AFF1: variants seen among roughly 807,000 people sequenced by gnomAD.
AFF1 encodes the protein AF4/FMR2 family member 1.
Under a neutral mutation model 121.7 loss-of-function variants are expected in AFF1, and 48 were observed. The observed-to-expected ratio is 0.39, with a 90% confidence interval of 0.31 to 0.50. AFF1 has a LOEUF of 0.50. Ranked by LOEUF, AFF1 falls within the 20% of genes least tolerant of loss-of-function variation. AFF1 has a pLI of 0.76. For synonymous variants in AFF1, 613 were observed against 563.0 expected (o/e 1.09, Z -1.26); for missense variants, 1,523 against 1,511.7 (o/e 1.01, Z -0.12).
chr4:87,011,496 C>G (rs1437328694), intron 2 of AFF1, among the ~76,000 whole-genome samples: 1 of 152,082 alleles, frequency 6.6e-6, no homozygotes, highest in African/African-American at 2.4e-5. Context: ...TATGCCCCGT[C>G]TCTGATTTTT....
intron 2 of AFF1, among the ~76,000 whole-genome samples, chr4:87,020,555 G>T (rs1400373054): frequency 6.6e-6 from 1 of 152,138 alleles, no homozygotes; most frequent in Non-Finnish European, 1.5e-5. Context: ...CGCAATTTCG[G>T]CTCACTGTAA....
Position 87,127,097 on chromosome 4 carries a change from G to A in AFF1, c.2883G>A (p.Lys961=), listed in dbSNP as rs746090701. 6.2e-7 allele frequency: 1 copy of A among 1,611,698 alleles called. No individual in the cohort carries two copies. The change falls in exon 15 of 21, where the codon AAG becomes AAA. Residue 961 remains lysine, a synonymous_variant. Coordinates refer to ENST00000395146, the MANE Select transcript of AFF1 (RefSeq NM_001166693.3). ...SLPNGNSKPG[K]PQVKFDKQQA... is the part of the protein sequence containing the mutation. ...CAAATGGTAACTCTAAACCAGGGAA[G>A]CCTCAAGTGAAGTTTGACAAGTAAG...
Position 87,022,588 on chromosome 4 carries a change from C to CTGTGTG in AFF1, c.39-23577_39-23576insGTGTGT, listed in dbSNP as rs1299813105. On this transcript the variant is annotated intron_variant, in intron 2 of 20. Transcript: ENST00000395146. The stretch of plus-strand genomic sequence containing the variant: ...TATATATATATATATATATATCTAT[C>CTGTGTG]TATATCTATCTGTGTGTATATATAT... Among the ~76,000 whole-genome samples, 177 of 108,284 alleles carry CTGTGTG rather than the reference C, an allele frequency of 1.6e-3. 8 individuals are homozygous for CTGTGTG. Among genetic ancestry groups the CTGTGTG allele is most frequent in the Non-Finnish European group, 2.0e-3 (109 of 55,092 alleles). 71.0% of individuals were successfully genotyped at this position (108,284 alleles called of 152,430 possible). A position where few individuals can be genotyped will look rare whatever the true frequency, so the allele number is the denominator to read the frequency against.
Position 87,020,826 on chromosome 4 carries a change from G to A in AFF1, c.39-25340G>A, listed in dbSNP as rs969456763. On this transcript the variant is annotated intron_variant, in intron 2 of 20. Transcript: ENST00000395146. ...ACAGGTAGTCATCATTGTTAACGTC[G>A]TCTTTTCAAATTGTCCTGTTTGGCA... The A allele has an allele frequency of 1.8e-5, 18 of 985,224 alleles. No individual in the cohort carries two copies. The South Asian group carries it at 4.7e-4, about 26-fold the overall frequency. The allele number at this position is 985,224 out of a possible 1,614,324, so 61.0% of individuals were successfully genotyped here. A position where few individuals can be genotyped will look rare whatever the true frequency, so the allele number is the denominator to read the frequency against.
At chr4:87,135,446 G>T (rs1729218431) in intron 20 of AFF1, 134 bp from the exon 21 acceptor site, 11 of 937,348 alleles carry the variant, frequency 1.2e-5, no homozygotes, top group African/African-American at 1.7e-5. Flanking sequence ...AGTAGATTGT[G>T]ATTTTTTTGA....
chr4:87,107,784 A>G (rs1280667756), intron 10 of AFF1, among the ~76,000 whole-genome samples: 1 of 152,230 alleles, frequency 6.6e-6, no homozygotes, highest in Non-Finnish European at 1.5e-5. Context: ...AACATAGTAC[A>G]TTAAAAAAAT....
At chr4:87,006,971 C>A (rs965608943) in intron 2 of AFF1, 4 of 1,050,104 alleles carry the variant, frequency 3.8e-6, no homozygotes, top group Admixed American at 5.4e-5. Flanking sequence ...ACTCGGACAA[C>A]TTCAAGTGAG....
chr4:87,049,676 GTGGT>G, intron 4 of AFF1: 1 of 456,260 alleles, frequency 2.2e-6, no homozygotes, highest in Non-Finnish European at 4.4e-6. Flanking sequence ...CTTTAATGCG[GTGGT>G]TCCCTCTGGT....
intron 1 of AFF1, among the ~76,000 whole-genome samples, chr4:86,944,599 C>T (rs1241105483): frequency 6.6e-6 from 1 of 152,176 alleles, no homozygotes; most frequent in Non-Finnish European, 1.5e-5. Context: ...CCGCCTCGGC[C>T]TCCCAAAGTG....
chr4:87,105,830 C>T lies in AFF1; in HGVS notation c.1361C>T (p.Ser454Leu). ...SEQTPEKPPSSSAPPSAPQSL... is the reference protein window; with the variant it reads ...SEQTPEKPPSLSAPPSAPQSL... ...TAGACCCCAGAGAAGCCTCCCTCCT[C>T]ATCTGCACCTCCAAGGTACCGTGTG... is the stretch of plus-strand genomic sequence containing the variant. Residue 454 changes from serine to leucine, a missense_variant, in exon 10 of 21, where the codon TCA becomes TTA. Physicochemically the swap from Ser to Leu is moderately radical, Grantham distance 145. Coordinates refer to ENST00000395146, the MANE Select transcript of AFF1 (RefSeq NM_001166693.3). 1 of 1,614,166 alleles carries T rather than the reference C, an allele frequency of 6.2e-7. No individual in the cohort carries two copies. Among genetic ancestry groups the T allele is most frequent in the Non-Finnish European group, 8.5e-7 (1 of 1,180,028 alleles).
In AFF1 at chr4:87,089,569, A is replaced by T. The variant is rs897317114; in HGVS notation, c.1105-415A>T. Among the ~76,000 whole-genome samples, 5 of 152,338 alleles carry T rather than the reference A, an allele frequency of 3.3e-5. No homozygotes were observed. The East Asian group carries it at 9.7e-4, about 29-fold the overall frequency. On this transcript the variant is annotated intron_variant, in intron 5 of 20. Transcript: ENST00000395146. ...GGAAAGTTCTTCTTCCTTTGAACTG[A>T]AATAATTCCAGGAAATGCAGTAAAG...
At chr4:86,941,011 C>T (rs1473552487) in intron 1 of AFF1, among the ~76,000 whole-genome samples, 2 of 151,676 alleles carry the variant, frequency 1.3e-5, no homozygotes, top group African/African-American at 4.8e-5. Flanking sequence ...TCGCTTGAAC[C>T]CTGGAGGTGG....
At position 87,013,038 on chromosome 4, in the gene AFF1, T is replaced by TTTTG. The variant is rs1726950180; in HGVS notation, c.39-33125_39-33124insGTTT. On this transcript the variant is annotated intron_variant, in intron 2 of 20. Coordinates refer to ENST00000395146, the MANE Select transcript of AFF1 (RefSeq NM_001166693.3). Reference sequence around the variant, plus strand: ...ATTGAACTGCTATCAAGTTCTTTTTTTTTTTTTTTTTTTTTTTTTTGGGAG... The same window carrying TTTTG: ...ATTGAACTGCTATCAAGTTCTTTTTTTTTGTTTTTTTTTTTTTTTTTTTTGGGAG... Among the ~76,000 whole-genome samples the TTTTG allele has an allele frequency of 5.8e-5, 3 of 51,718 alleles. 1 individual carries two copies. Among genetic ancestry groups the TTTTG allele is most frequent in the African/African-American group, 2.1e-4 (3 of 14,398 alleles). 33.9% of individuals were successfully genotyped at this position (51,718 alleles called of 152,430 possible).
chr4:87,019,549 A>G (rs1239471266), intron 2 of AFF1, among the ~76,000 whole-genome samples: 3 of 152,146 alleles, frequency 2.0e-5, no homozygotes, highest in African/African-American at 7.2e-5. Context: ...ATGGTTGTCA[A>G]TCTTGCCTAC....
At chr4:86,969,128 A>G (rs1325620731) in intron 2 of AFF1, among the ~76,000 whole-genome samples, 1 of 151,892 alleles carries the variant, frequency 6.6e-6, no homozygotes, top group Non-Finnish European at 1.5e-5. Flanking sequence ...TGTGTAGGTG[A>G]CATCCTGTCT....
intron 12 of AFF1, among the ~76,000 whole-genome samples, chr4:87,120,765 T>C (rs954650429): frequency 3.3e-5 from 5 of 152,208 alleles, no homozygotes; most frequent in Non-Finnish European, 7.3e-5. Context: ...GCTCCCATCT[T>C]CCTTCACAGC....
At chr4:87,079,281 C>G (rs760658067) in intron 4 of AFF1, among the ~76,000 whole-genome samples, 1 of 152,170 alleles carries the variant, frequency 6.6e-6, no homozygotes, top group Non-Finnish European at 1.5e-5. Flanking sequence ...CTTCAGCCAG[C>G]TCTTTTTAGC....
In AFF1 at chr4:87,071,747, CT is replaced by C. The variant is rs1374755619; in HGVS notation, c.1060-12372del. On this transcript the variant is annotated intron_variant, in intron 4 of 20. Transcript: ENST00000395146. ...CCAAAGGGAGTTGCTTTTGTTGTTA[CT>C]ATTAGAACGGTTGCCTTTTTTCCAT... Among the ~76,000 whole-genome samples, 4 of 152,224 alleles carry C rather than the reference CT, an allele frequency of 2.6e-5. No homozygotes were observed. The South Asian group carries it at 6.2e-4, about 24-fold the overall frequency.
At chr4:87,066,878 A>T (rs991386277) in intron 4 of AFF1, among the ~76,000 whole-genome samples, 1 of 152,132 alleles carries the variant, frequency 6.6e-6, no homozygotes, top group African/African-American at 2.4e-5. Context: ...ACAAATTAAG[A>T]TGTTTCTCCC....
Sources: allele counts gnomAD v4.1 joint callset (sites outside exome capture counted in the v4.1 genomes callset), GRCh38; gene constraint gnomAD v4.1.1; transcripts MANE v1.5; gene names NCBI Gene and HGNC (gene_info 2026-07-23, HGNC 2026-07-21).